The following XKR6 variants were observed in gnomAD, a reference collection of about 807,000 sequenced individuals.
XKR6 encodes XK related 6.
A neutral mutation model predicts 56.7 loss-of-function variants in XKR6; 22 were observed. That is an observed-to-expected ratio of 0.39 (90% confidence interval 0.28 to 0.55). The LOEUF (loss-of-function observed/expected upper bound fraction) is 0.55. Among genes scored for constraint, XKR6 ranks in the 20% least tolerant of loss-of-function variants. XKR6 has a pLI of 0.66. For missense variants in XKR6, 852 were observed against 889.0 expected (o/e 0.96, Z 0.53); for synonymous variants, 524 against 387.8 (o/e 1.35, Z -4.13).
chr8:11,024,293 A>C (rs1798814804), intron 1 of XKR6, among the ~76,000 whole-genome samples: 1 of 140,360 alleles, frequency 7.1e-6, no homozygotes, highest in African/African-American at 2.6e-5. Flanking sequence ...TCATTTCATG[A>C]CTTTGGGTTA....
rs760488954 is a variant in XKR6, at chr8:11,200,702, T to C, written c.638A>G (p.His213Arg). 3 of 1,575,076 alleles carry C rather than the reference T, an allele frequency of 1.9e-6. No homozygotes were observed. Among genetic ancestry groups the C allele is most frequent in the Non-Finnish European group, 2.6e-6 (3 of 1,168,240 alleles). The change falls in exon 1 of 3, where the codon CAC (histidine) becomes CGC (arginine). Residue 213 changes from histidine (H) to arginine (R), a missense_variant. Transcript: ENST00000416569. The surrounding 1 kb of genome is among the most constrained non-coding windows in gnomAD (Gnocchi z 6.4). ...GPPMMGAGYV[H>R]GAARGGPGVR... ...GCCTGGGCCACCGCGGGCCGCGCCG[T>C]GGACGTAGCCGGCCCCCATCATGGG...
intron 2 of XKR6, among the ~76,000 whole-genome samples, chr8:10,910,231 T>C (rs1032284137): frequency 2.6e-5 from 4 of 152,226 alleles, no homozygotes; most frequent in Non-Finnish European, 5.9e-5. Flanking sequence ...GCCCCAAATA[T>C]AATCGCGCTG....
chr8:10,923,343 CT>C (rs1158766587), intron 2 of XKR6, among the ~76,000 whole-genome samples: 1 of 152,174 alleles, frequency 6.6e-6, no homozygotes, highest in Non-Finnish European at 1.5e-5. Flanking sequence ...CCTGGGGCCC[CT>C]TTTTCTACCA....
chr8:11,147,513 G>A (rs1379195495), intron 1 of XKR6, among the ~76,000 whole-genome samples: 2 of 151,958 alleles, frequency 1.3e-5, no homozygotes, highest in South Asian at 2.1e-4. Context: ...AAAATTAGCT[G>A]GGTGTGGTGG....
chr8:10,972,426 C>G (rs911290150), intron 1 of XKR6, among the ~76,000 whole-genome samples: 2 of 152,204 alleles, frequency 1.3e-5, no homozygotes, highest in African/African-American at 4.8e-5. Context: ...AGTGTATGGT[C>G]TTGGGATGAG....
chr8:10,970,893 T>C (rs1165192322), intron 1 of XKR6, among the ~76,000 whole-genome samples: 4 of 151,628 alleles, frequency 2.6e-5, no homozygotes, highest in African/African-American at 9.7e-5. Context: ...CTGTAATAGA[T>C]TCCAGTGCCA....
chr8:11,012,121 G>A (rs543055414), intron 1 of XKR6, among the ~76,000 whole-genome samples: 2 of 152,244 alleles, frequency 1.3e-5, no homozygotes, highest in Admixed American at 6.5e-5. Context: ...GGAGGAGTCC[G>A]CCTACCTCAA....
chr8:11,137,241 C>G (rs1209948457), intron 1 of XKR6: 2 of 241,404 alleles, frequency 8.3e-6, no homozygotes, highest in East Asian at 2.5e-4. Flanking sequence ...GTGAGGAAAG[C>G]GGGAGACAGG....
At chr8:10,955,685 T>C (rs1258654867) in intron 1 of XKR6, among the ~76,000 whole-genome samples, 1 of 152,140 alleles carries the variant, frequency 6.6e-6, no homozygotes. Context: ...GTGGTTCTGT[T>C]TTCCCTGCCA....
At chr8:10,926,745 G>C (rs1483714181) in intron 1 of XKR6, among the ~76,000 whole-genome samples, 8 of 152,254 alleles carry the variant, frequency 5.3e-5, no homozygotes, top group Admixed American at 5.2e-4. Flanking sequence ...TTCTGGTTCT[G>C]TTCAAGGTTC....
At chr8:11,157,108 C>G (rs1801558896) in intron 1 of XKR6, among the ~76,000 whole-genome samples, 1 of 152,158 alleles carries the variant, frequency 6.6e-6, no homozygotes, top group Admixed American at 6.6e-5. Context: ...AAATGTCATA[C>G]TAACCCAAAT....
intron 1 of XKR6, among the ~76,000 whole-genome samples, chr8:11,063,801 C>T (rs1404894643): frequency 6.6e-6 from 1 of 152,190 alleles, no homozygotes; most frequent in Non-Finnish European, 1.5e-5. Context: ...CTGCAACTTG[C>T]ACCTGGCCAC....
intron 1 of XKR6, among the ~76,000 whole-genome samples, chr8:10,965,505 G>C (rs969596206): frequency 6.6e-6 from 1 of 152,248 alleles, no homozygotes; most frequent in Non-Finnish European, 1.5e-5. Context: ...GCAGGGAGGA[G>C]GAACACAAGA....
chr8:11,067,228 G>A, intron 1 of XKR6: 1 of 152,472 alleles, frequency 6.6e-6, no homozygotes, highest in Non-Finnish European at 1.5e-5. Context: ...CCCAGCAGGG[G>A]CAAGGGCAAG....
At chr8:10,987,904 G>A (rs1200709424) in intron 1 of XKR6, among the ~76,000 whole-genome samples, 1 of 152,138 alleles carries the variant, frequency 6.6e-6, no homozygotes, top group Admixed American at 6.5e-5. Context: ...CACCTGCAGG[G>A]CTCACTCTGC....
At chr8:11,018,113 A>G (rs140192402) in intron 1 of XKR6, among the ~76,000 whole-genome samples, 1 of 152,286 alleles carries the variant, frequency 6.6e-6, no homozygotes, top group African/African-American at 2.4e-5. Flanking sequence ...TGGATGTCAA[A>G]GGGTTACGCT....
chr8:10,946,124 A>G (rs1188877444), intron 1 of XKR6, among the ~76,000 whole-genome samples: 1 of 151,878 alleles, frequency 6.6e-6, no homozygotes, highest in Non-Finnish European at 1.5e-5. Flanking sequence ...TCCTGACCAC[A>G]CACACCTCCC....
At chr8:10,910,782 T>C (rs1476820582) in intron 2 of XKR6, among the ~76,000 whole-genome samples, 1 of 152,218 alleles carries the variant, frequency 6.6e-6, no homozygotes, top group East Asian at 1.9e-4. Context: ...GTCAGGGATC[T>C]CAAAATACCA....
At position 11,160,911 on chromosome 8, in the gene XKR6, C is replaced by CAAAAAAAAAAAAAAAAA. The variant is rs33931830; in HGVS notation, c.764+39648_764+39664dup. On this transcript the variant is annotated intron_variant, in intron 1 of 2. Coordinates refer to ENST00000416569, the MANE Select transcript of XKR6 (RefSeq NM_173683.4). ...TGGGCAACAGAACGAGACTCCGTCT[C>CAAAAAAAAAAAAAAAAA]AAAAAAAAAAAAAAAAAAAAGAAAA... 7.5e-4 allele frequency among the ~76,000 whole-genome samples: 48 copies of CAAAAAAAAAAAAAAAAA among 63,782 alleles called. 2 individuals are homozygous for CAAAAAAAAAAAAAAAAA. The highest frequency in any genetic ancestry group is 3.1e-3 in the African/African-American group (47 of 15,368). The allele number at this position is 63,782 out of a possible 152,430, so 41.8% of individuals were successfully genotyped here.
Sources: allele counts gnomAD v4.1 joint callset (sites outside exome capture counted in the v4.1 genomes callset), GRCh38; gene constraint gnomAD v4.1.1; non-coding constraint Gnocchi (gnomAD v3.1); transcripts MANE v1.5; gene names NCBI Gene and HGNC (gene_info 2026-07-23, HGNC 2026-07-21).